PLEKHA6: variants seen among roughly 807,000 people sequenced by gnomAD.
PLEKHA6 encodes pleckstrin homology domain containing A6, also known as pleckstrin homology domain-containing family A member 6.
PLEKHA6 carries 60 observed loss-of-function variants against 116.7 expected under a neutral mutation model. The ratio of observed to expected loss-of-function variants is 0.51; its 90% CI spans 0.42 to 0.64. PLEKHA6 has a LOEUF of 0.64. Ranked by LOEUF, PLEKHA6 falls within the 30% of genes least tolerant of loss-of-function variation. PLEKHA6 has a pLI of 0.00. For synonymous variants in PLEKHA6, 489 were observed against 556.1 expected (o/e 0.88, Z 1.70); for missense variants, 1,338 against 1,422.7 (o/e 0.94, Z 0.96).
At chr1:204,285,549 C>T (rs537664990) in intron 1 of PLEKHA6, among the ~76,000 whole-genome samples, 70 of 151,718 alleles carry the variant, frequency 4.6e-4, no homozygotes, top group African/African-American at 1.5e-3. Context: ...GATTTTGGCT[C>T]ACCGCAGGCT....
rs6679626 is a variant in PLEKHA6 at position 204,315,606 on chromosome 1, G to A, written c.-94-40797C>T. Among the ~76,000 whole-genome samples, 432 of 152,182 alleles carry A rather than the reference G, an allele frequency of 2.8e-3. 1 individual carries two copies. The highest frequency in any genetic ancestry group is 9.0e-3 in the African/African-American group (372 of 41,524). ...CCCCAGCCCACAGAAAACCCCCTCC[G>A]CCGTGAAGTTGTAGGCATATGTTAG... On this transcript the variant is annotated intron_variant, in intron 1 of 22. Coordinates refer to ENST00000272203, the MANE Select transcript of PLEKHA6 (RefSeq NM_014935.5).
At chr1:204,328,975 A>G (rs1292814034) in intron 1 of PLEKHA6, among the ~76,000 whole-genome samples, 5 of 152,224 alleles carry the variant, frequency 3.3e-5, no homozygotes, top group African/African-American at 9.7e-5. Context: ...GTCCGCAGCC[A>G]ACCCAGCTGA....
intron 17 of PLEKHA6, among the ~76,000 whole-genome samples, chr1:204,236,150 G>A (rs536512959): frequency 1.2e-4 from 19 of 152,352 alleles, no homozygotes; most frequent in African/African-American, 3.8e-4. Context: ...GGAACATAGT[G>A]TTGGATCAGG....
chr1:204,235,877 G>C (rs773312768), intron 17 of PLEKHA6, among the ~76,000 whole-genome samples: 1 of 152,174 alleles, frequency 6.6e-6, no homozygotes, highest in African/African-American at 2.4e-5. Context: ...TGTGCTGCCA[G>C]AGGCAACAGT....
At position 204,238,530 on chromosome 1, in the gene PLEKHA6, G is replaced by A. The variant is rs909446149; in HGVS notation, c.2409+2845C>T. Among the ~76,000 whole-genome samples the A allele has an allele frequency of 2.0e-5, 3 of 152,176 alleles. No homozygotes were observed. Among genetic ancestry groups the A allele is most frequent in the African/African-American group, 7.2e-5 (3 of 41,424 alleles). The stretch of plus-strand genomic sequence containing the variant: ...TTCTGACCCATCTAGCCATAAAGTG[G>A]GTGGTGCACAGCAGCATTCCATCAT... On this transcript the variant is annotated intron_variant, in intron 17 of 22. Transcript: ENST00000272203. The surrounding 1 kb of genome is among the most constrained non-coding windows in gnomAD (Gnocchi z 4.2).
chr1:204,230,660 C>CA, intron 17 of PLEKHA6, 74 bp from the exon 18 acceptor site: 1 of 1,288,790 alleles, frequency 7.8e-7, no homozygotes, highest in Non-Finnish European at 1.1e-6. Flanking sequence ...GAACCCTTAA[C>CA]ATTTACCTTC....
chr1:204,367,117 GAAGT>G (rs1042802769), intron 3 of PLEKHA6, among the ~76,000 whole-genome samples: 4 of 152,228 alleles, frequency 2.6e-5, no homozygotes, highest in African/African-American at 9.6e-5. Context: ...AAGGCAGAGA[GAAGT>G]GAGTTCAACT....
upstream of PLEKHA6, among the ~76,000 whole-genome samples, chr1:204,364,102 T>TTCCC (rs1316201729): frequency 6.6e-6 from 1 of 152,158 alleles, no homozygotes; most frequent in Admixed American, 6.5e-5. Context: ...TCATTGAAAT[T>TTCCC]TCCCTCCCTC....
intron 1 of PLEKHA6, chr1:204,313,606 G>C (rs1671745764): frequency 1.0e-6 from 1 of 985,002 alleles, no homozygotes; most frequent in Non-Finnish European, 1.2e-6. Context: ...CTTGTTGGCA[G>C]TCTATATTCC....
chr1:204,234,252 C>T (rs1661627117), intron 17 of PLEKHA6, among the ~76,000 whole-genome samples: 1 of 152,148 alleles, frequency 6.6e-6, no homozygotes, highest in Non-Finnish European at 1.5e-5. Context: ...CAAGGAATGC[C>T]AAGAGTTACC....
chr1:204,320,541 G>A (rs1672023210), intron 1 of PLEKHA6: 1 of 941,256 alleles, frequency 1.1e-6, no homozygotes, highest in Non-Finnish European at 1.3e-6. Context: ...TTAGCAACTT[G>A]GCTTCTCTCT....
chr1:204,242,896 CA>C (rs1663035538), intron 15 of PLEKHA6, among the ~76,000 whole-genome samples: 1 of 152,252 alleles, frequency 6.6e-6, no homozygotes. Flanking sequence ...ATGTCCCCAT[CA>C]CCTACAGAAA....
chr1:204,369,869 G>A (rs148795523), intron 2 of PLEKHA6: 1 of 152,330 alleles, frequency 6.6e-6, no homozygotes, highest in Non-Finnish European at 1.5e-5. Context: ...AACAGCCCTG[G>A]CCTTAGAGTC....
At chr1:204,357,864 G>C (rs1292645942) in intron 1 of PLEKHA6, among the ~76,000 whole-genome samples, 1 of 152,260 alleles carries the variant, frequency 6.6e-6, no homozygotes, top group Non-Finnish European at 1.5e-5. Flanking sequence ...TGGGCGAGGT[G>C]GGGGCTCTGA....
At chr1:204,301,212 G>A in intron 1 of PLEKHA6, 1 of 982,134 alleles carries the variant, frequency 1.0e-6, no homozygotes, top group Non-Finnish European at 1.2e-6. Flanking sequence ...AGCTCCAGAA[G>A]ACAGGAGTTT....
chr1:204,300,621 C>G (rs1487396275), intron 1 of PLEKHA6, among the ~76,000 whole-genome samples: 1 of 152,190 alleles, frequency 6.6e-6, no homozygotes, highest in Non-Finnish European at 1.5e-5. Context: ...CCCCCCTAAT[C>G]AGAGAAGATG....
chr1:204,247,586 C>T, intron 12 of PLEKHA6, 126 bp from the exon 13 acceptor site: 1 of 612,768 alleles, frequency 1.6e-6, no homozygotes, highest in South Asian at 1.9e-5. Flanking sequence ...CATGGAGGGA[C>T]CGAAGGAGAG....
At chr1:204,337,722 G>A (rs559261155) in intron 1 of PLEKHA6, among the ~76,000 whole-genome samples, 2 of 152,152 alleles carry the variant, frequency 1.3e-5, no homozygotes, top group Admixed American at 6.5e-5. Flanking sequence ...CACTTGGGGG[G>A]GGAATCCAGG....
chr1:204,280,346 G>A, intron 1 of PLEKHA6: 1 of 985,218 alleles, frequency 1.0e-6, no homozygotes, highest in South Asian at 4.7e-5. Flanking sequence ...AGGCATGTAT[G>A]TTTACACATG....
Sources: gnomAD v4.1 joint callset for allele counts (sites outside exome capture counted in the v4.1 genomes callset) on GRCh38, gnomAD v4.1.1 for gene constraint, Gnocchi (gnomAD v3.1) non-coding constraint, MANE v1.5 for transcripts, NCBI Gene and HGNC (gene_info 2026-07-23, HGNC 2026-07-21) for gene names.